TIGAR: variants seen among roughly 807,000 people sequenced by gnomAD.
The protein encoded by TIGAR is TP53 induced glycolysis regulatory phosphatase.
TIGAR carries 7 observed loss-of-function variants against 17.9 expected under a neutral mutation model. The ratio of observed to expected loss-of-function variants is 0.39; its 90% CI spans 0.22 to 0.73. The LOEUF (loss-of-function observed/expected upper bound fraction) is 0.73, where lower values mean the gene tolerates loss of function less well. Ranked by LOEUF, TIGAR falls within the 30% of genes least tolerant of loss-of-function variation. The probability of loss-of-function intolerance (pLI) is 0.42; values close to 1 mark genes in which losing one functional copy is unlikely to be tolerated. For missense variants in TIGAR, 258 were observed against 327.4 expected, an observed-to-expected ratio of 0.79 and a Z score of 1.64; for synonymous variants, 94 against 108.6, an observed-to-expected ratio of 0.87 and a Z score of 0.84.
intron 3 of TIGAR, among the ~76,000 whole-genome samples, chr12:4,341,601 C>T (rs1301717797): frequency 6.6e-6 from 1 of 152,194 alleles, no homozygotes; most frequent in Non-Finnish European, 1.5e-5. Context: ...TGTTCTGCAG[C>T]CTCCACTGCT....
chr12:4,337,112 T>C lies in TIGAR; in HGVS notation c.144T>C (p.Asn48=). Residue 48 remains asparagine, a synonymous_variant, in exon 3 of 6, where the codon AAT becomes AAC. Transcript: ENST00000179259. ...QAAAAGIFLN[N]VKFTHAFSSD... ...CAGCTGCTGGTATATTTCTGAATAA[T>C]GTGAAGTTTACTCATGCTTTCTCCA... The C allele has an allele frequency of 6.2e-7, 1 of 1,613,704 alleles. No individual in the cohort carries two copies. Among genetic ancestry groups the C allele is most frequent in the Middle Eastern group, 1.7e-4 (1 of 6,060 alleles).
intron 1 of TIGAR, among the ~76,000 whole-genome samples, chr12:4,327,360 G>T (rs1161538271): frequency 6.8e-6 from 1 of 146,682 alleles, no homozygotes; most frequent in African/African-American, 2.5e-5. Flanking sequence ...AGTGAGCCGA[G>T]ATCACACCAC....
intron 2 of TIGAR, among the ~76,000 whole-genome samples, chr12:4,334,740 T>G (rs899972070): frequency 1.3e-5 from 2 of 151,624 alleles, no homozygotes; most frequent in East Asian, 3.9e-4. Flanking sequence ...CATAGTGGCT[T>G]CAGTCGGTAC....
At position 4,358,335 on chromosome 12, in the gene TIGAR, CAT is replaced by C. The variant is rs1489611157; in HGVS notation, c.*5646_*5647del. ...AAAAATCACTGAGCTACTGTATCCT[CAT>C]AGAGAATAATTACAGTAATGTGTAT... On this transcript the variant is annotated 3_prime_UTR_variant, in exon 6 of 6. Coordinates refer to ENST00000179259, the MANE Select transcript of TIGAR (RefSeq NM_020375.3). Among the ~76,000 whole-genome samples, 1 of 151,388 alleles carries C rather than the reference CAT, an allele frequency of 6.6e-6. No individual in the cohort carries two copies. The highest frequency in any genetic ancestry group is 2.4e-5 in the African/African-American group (1 of 41,242).
At chr12:4,349,685 G>A in intron 3 of TIGAR, 134 bp from the exon 4 acceptor site, 1 of 653,166 alleles carries the variant, frequency 1.5e-6, no homozygotes, top group Non-Finnish European at 2.6e-6. Context: ...CCAAAGTGCT[G>A]GGATTACAGG....
chr12:4,345,740 A>G (rs1864772047), intron 3 of TIGAR, among the ~76,000 whole-genome samples: 1 of 152,232 alleles, frequency 6.6e-6, no homozygotes, highest in South Asian at 2.1e-4. Context: ...AATGGCAACA[A>G]AAGCCAAAGT....
intron 3 of TIGAR, among the ~76,000 whole-genome samples, chr12:4,346,159 G>T (rs929838474): frequency 6.6e-6 from 1 of 152,220 alleles, no homozygotes; most frequent in Non-Finnish European, 1.5e-5. Flanking sequence ...CTGTTGGTGG[G>T]ACTGTAAACA....
chr12:4,351,235 T>G (rs747141863), intron 4 of TIGAR, 32 bp from the exon 5 acceptor site: 2 of 1,592,480 alleles, frequency 1.3e-6, no homozygotes, highest in African/African-American at 2.7e-5. Context: ...GCAATTTCAT[T>G]TGAGAAACTG....
chr12:4,331,383 G>C (rs2120655952), intron 2 of TIGAR, 66 bp downstream of exon 2: 2 of 1,508,194 alleles, frequency 1.3e-6, no homozygotes, highest in East Asian at 4.5e-5. Flanking sequence ...GAGTTAAGCA[G>C]ATTTGGTGGG....
intron 3 of TIGAR, 106 bp from the exon 4 acceptor site, chr12:4,349,712 TG>T: frequency 1.1e-6 from 1 of 924,988 alleles, no homozygotes; most frequent in Non-Finnish European, 1.6e-6. Flanking sequence ...CCACCGTGCC[TG>T]GTTCTAGTTC....
At position 4,356,531 on chromosome 12, in the gene TIGAR, C is replaced by G. The variant is rs980135265; in HGVS notation, c.*3840C>G. Among the ~76,000 whole-genome samples, 5 of 152,144 alleles carry G rather than the reference C, an allele frequency of 3.3e-5. No individual in the cohort carries two copies. Among genetic ancestry groups the G allele is most frequent in the Middle Eastern group, 3.2e-3 (1 of 316 alleles). On this transcript the variant is annotated 3_prime_UTR_variant, in exon 6 of 6. Transcript: ENST00000179259. ...TGCTTCTCCTACTATCAACATCCCC[C>G]ACCAGACCAGTGCATCTGTTACCAT...
In TIGAR at chr12:4,357,991, C is replaced by T. The variant is rs542249308; in HGVS notation, c.*5300C>T. Among the ~76,000 whole-genome samples, 4 of 151,472 alleles carry T rather than the reference C, an allele frequency of 2.6e-5. No individual in the cohort carries two copies. In the East Asian group the frequency reaches 7.8e-4, roughly 30 times the overall value. On this transcript the variant is annotated 3_prime_UTR_variant, in exon 6 of 6. Transcript: ENST00000179259. ...TGGTGGCCGGCGCCTGTAGTCCCAG[C>T]TACTTGGGAGGCTGAGGCAGTAGAA...
intron 3 of TIGAR, among the ~76,000 whole-genome samples, chr12:4,346,576 A>T (rs1864782912): frequency 6.6e-6 from 1 of 151,892 alleles, no homozygotes; most frequent in Non-Finnish European, 1.5e-5. Context: ...GGACACAGGA[A>T]GGGGAACATC....
chr12:4,349,752 C>A (rs1864817467), intron 3 of TIGAR, 67 bp from the exon 4 acceptor site: 7 of 1,301,280 alleles, frequency 5.4e-6, no homozygotes, highest in Non-Finnish European at 7.6e-6. Context: ...GACATAGATT[C>A]TTTCAGTGCT....
chr12:4,341,234 G>C (rs1375090023), intron 3 of TIGAR, among the ~76,000 whole-genome samples: 1 of 151,754 alleles, frequency 6.6e-6, no homozygotes, highest in Non-Finnish European at 1.5e-5. Flanking sequence ...CAAAATGTCT[G>C]AATAGATGTT....
chr12:4,336,984 A>G, intron 2 of TIGAR, 55 bp from the exon 3 acceptor site: 1 of 1,473,476 alleles, frequency 6.8e-7, no homozygotes, highest in Non-Finnish European at 9.2e-7. Flanking sequence ...TGTGATTTAT[A>G]CATCTCTGAT....
intron 1 of TIGAR, among the ~76,000 whole-genome samples, chr12:4,324,164 C>T (rs1406323008): frequency 6.6e-6 from 1 of 152,160 alleles, no homozygotes; most frequent in Non-Finnish European, 1.5e-5. Context: ...CATTGTCAGA[C>T]TATAACTTCT....
rs143589192 is a variant in TIGAR at position 4,358,656 on chromosome 12, A to G, written c.*5965A>G. 8.7e-4 allele frequency among the ~76,000 whole-genome samples: 132 copies of G among 151,900 alleles called. No individual in the cohort carries two copies. Among genetic ancestry groups the G allele is most frequent in the African/African-American group, 3.0e-3 (126 of 41,452 alleles). ...ATCTGAGTCAGGAAATTTGACATTGATATTGCCTATTAGCTAATCCTTAGA... is the reference window on the plus strand; with the variant it reads ...ATCTGAGTCAGGAAATTTGACATTGGTATTGCCTATTAGCTAATCCTTAGA... On this transcript the variant is annotated 3_prime_UTR_variant, in exon 6 of 6. Transcript: ENST00000179259.
In TIGAR at chr12:4,351,449, G is replaced by T. The variant is rs1161990802; in HGVS notation, c.381+72G>T. The T allele has an allele frequency of 2.3e-6, 3 of 1,306,294 alleles. No individual in the cohort carries two copies. The Admixed American group carries it at 5.8e-5, about 25-fold the overall frequency. 80.9% of individuals were successfully genotyped at this position (1,306,294 alleles called of 1,614,324 possible). A position where few individuals can be genotyped will look rare whatever the true frequency, so the allele number is the denominator to read the frequency against. On this transcript the variant is annotated intron_variant, in intron 5 of 5. Coordinates refer to ENST00000179259, the MANE Select transcript of TIGAR (RefSeq NM_020375.3). Reference sequence around the variant, plus strand: ...TTAGATGTTTTGGAATTTTAGCTAAGCAGTTTGAAAGTTGCTTGGTTCATT... The same window carrying T: ...TTAGATGTTTTGGAATTTTAGCTAATCAGTTTGAAAGTTGCTTGGTTCATT...
Sources: gnomAD v4.1 joint callset for allele counts (sites outside exome capture counted in the v4.1 genomes callset) on GRCh38, gnomAD v4.1.1 for gene constraint, MANE v1.5 for transcripts, NCBI Gene and HGNC (gene_info 2026-07-23, HGNC 2026-07-21) for gene names.